The following MGAT4C variants were observed in gnomAD, a reference collection of about 807,000 sequenced individuals.
MGAT4C encodes the protein alpha-1,3-mannosyl-glycoprotein 4-beta-N-acetylglucosaminyltransferase C.
In MGAT4C, 19 loss-of-function variants were observed where a neutral mutation model predicts 40.1. That is an observed-to-expected ratio of 0.47 (90% CI 0.33 to 0.70). The LOEUF (loss-of-function observed/expected upper bound fraction) is 0.70. MGAT4C is among the 30% of genes least tolerant of loss of function. MGAT4C has a pLI of 0.02. For synonymous variants in MGAT4C, 181 were observed against 187.1 expected (o/e 0.97, Z 0.27); for missense variants, 491 against 563.2 (o/e 0.87, Z 1.30).
intron 1 of MGAT4C, among the ~76,000 whole-genome samples, chr12:86,151,504 T>C (rs1310025099): frequency 6.6e-6 from 1 of 152,010 alleles, no homozygotes; most frequent in Non-Finnish European, 1.5e-5. Flanking sequence ...TCCCAGCTAC[T>C]TGGGAGGCTG....
In MGAT4C at chr12:85,957,657, C is replaced by CAAAAAAAAAAAAAAAAAAAAAAAAA. The variant is rs5799763; in HGVS notation, c.*21631_*21632insTTTTTTTTTTTTTTTTTTTTTTTTT. ...TTTACTGTAGAGTTGAATAAGAAAG[C>CAAAAAAAAAAAAAAAAAAAAAAAAA]AAAAAAAAAAAAAAAAGAAAAAAGA... On this transcript the variant is annotated 3_prime_UTR_variant, in exon 5 of 5. Coordinates refer to ENST00000611864, the MANE Select transcript of MGAT4C (RefSeq NM_001351288.2). 3 of 101,294 alleles carry CAAAAAAAAAAAAAAAAAAAAAAAAA rather than the reference C, an allele frequency of 3.0e-5. No individual in the cohort carries two copies. The highest frequency in any genetic ancestry group is 5.9e-3 in the Middle Eastern group (1 of 170). 6.3% of individuals were successfully genotyped at this position (101,294 alleles called of 1,614,324 possible).
At chr12:86,049,794 G>A (rs1892728192) in intron 1 of MGAT4C, 71 bp from the exon 2 acceptor site, 1 of 506,282 alleles carries the variant, frequency 2.0e-6, no homozygotes, top group African/African-American at 2.1e-5. Flanking sequence ...AAAATAAAAA[G>A]TATTCTCTGT....
At chr12:86,743,718 C>T (rs188427601) in intron 1 of MGAT4C, among the ~76,000 whole-genome samples, 3 of 151,746 alleles carry the variant, frequency 2.0e-5, no homozygotes, top group African/African-American at 7.2e-5. Flanking sequence ...ATGTCCATCC[C>T]AGATACCTCT....
chr12:86,005,677 T>G (rs1396533316), intron 2 of MGAT4C, among the ~76,000 whole-genome samples: 1 of 152,198 alleles, frequency 6.6e-6, no homozygotes, highest in African/African-American at 2.4e-5. Flanking sequence ...TGATGGCTAG[T>G]TCTTGGCTGG....
intron 2 of MGAT4C, among the ~76,000 whole-genome samples, chr12:86,627,495 G>GA (rs1962856599): frequency 6.6e-6 from 1 of 151,432 alleles, no homozygotes; most frequent in Non-Finnish European, 1.5e-5. Context: ...CATACAGCTG[G>GA]TGCCCCTCTG....
At chr12:86,290,029 A>T (rs1953466717) in intron 4 of MGAT4C, among the ~76,000 whole-genome samples, 2 of 152,104 alleles carry the variant, frequency 1.3e-5, no homozygotes, top group Non-Finnish European at 2.9e-5. Context: ...ACTAGCTAGA[A>T]GGATTCTGAA....
At chr12:86,196,641 A>C (rs949548878) in intron 1 of MGAT4C, among the ~76,000 whole-genome samples, 1 of 152,230 alleles carries the variant, frequency 6.6e-6, no homozygotes, top group Admixed American at 6.5e-5. Context: ...CAGAAGTCTG[A>C]CAGCCTTCCT....
At chr12:86,711,222 T>G (rs1179576011) in intron 2 of MGAT4C, among the ~76,000 whole-genome samples, 2 of 152,078 alleles carry the variant, frequency 1.3e-5, no homozygotes, top group South Asian at 2.1e-4. Flanking sequence ...TACTAATAAT[T>G]TATTGACTCA....
intron 1 of MGAT4C, among the ~76,000 whole-genome samples, chr12:86,765,236 T>C (rs528429584): frequency 3.3e-5 from 5 of 152,066 alleles, no homozygotes; most frequent in Admixed American, 6.6e-5. Context: ...CCTCAGGAGC[T>C]AATGCAATCA....
At chr12:86,105,659 A>C (rs1046778905) in intron 1 of MGAT4C, among the ~76,000 whole-genome samples, 4 of 152,128 alleles carry the variant, frequency 2.6e-5, no homozygotes, top group Non-Finnish European at 4.4e-5. Context: ...AAACATTATT[A>C]GCCACACACA....
intron 2 of MGAT4C, among the ~76,000 whole-genome samples, chr12:86,439,695 T>C (rs1957195182): frequency 6.6e-6 from 1 of 152,022 alleles, no homozygotes; most frequent in Non-Finnish European, 1.5e-5. Context: ...CAAAAAGTTT[T>C]TTCTTTGAAA....
chr12:86,528,010 A>G (rs1419853187), intron 2 of MGAT4C, among the ~76,000 whole-genome samples: 1 of 152,168 alleles, frequency 6.6e-6, no homozygotes, highest in Admixed American at 6.5e-5. Context: ...GTAAAATAAA[A>G]ATAAATGTTA....
chr12:86,568,346 C>A (rs1193648681), intron 2 of MGAT4C, among the ~76,000 whole-genome samples: 2 of 151,994 alleles, frequency 1.3e-5, no homozygotes, highest in Non-Finnish European at 2.9e-5. Flanking sequence ...ACATCAGACT[C>A]CAAGTTATTC....
At chr12:86,258,692 G>C (rs1952593360), upstream of MGAT4C, among the ~76,000 whole-genome samples, 1 of 151,944 alleles carries the variant, frequency 6.6e-6, no homozygotes, top group South Asian at 2.1e-4. Flanking sequence ...TAAGAATATA[G>C]ATTTCAATGC....
At chr12:86,276,675 A>G (rs963001507) in intron 4 of MGAT4C, among the ~76,000 whole-genome samples, 2 of 152,318 alleles carry the variant, frequency 1.3e-5, no homozygotes, top group East Asian at 3.9e-4. Context: ...AATGAGTGAG[A>G]ACATGTAAAG....
intron 4 of MGAT4C, among the ~76,000 whole-genome samples, chr12:86,331,575 T>A (rs1030264495): frequency 6.6e-6 from 1 of 152,120 alleles, no homozygotes; most frequent in African/African-American, 2.4e-5. Context: ...TTCTGGTGTT[T>A]CTATCTATTA....
At chr12:86,601,416 T>G (rs79106156) in intron 2 of MGAT4C, 6,751 of 152,192 alleles carry the variant, frequency 0.044, 382 homozygotes, top group East Asian at 0.25. Flanking sequence ...AGCATGAACT[T>G]CCTCCATCCT....
At chr12:86,764,718 T>C (rs547704951) in intron 1 of MGAT4C, among the ~76,000 whole-genome samples, 76 of 152,238 alleles carry the variant, frequency 5.0e-4, no homozygotes, top group African/African-American at 1.8e-3. Flanking sequence ...GAAAATCCGC[T>C]GTTCTGCAGC....
chr12:86,313,954 T>C (rs1466755621), intron 4 of MGAT4C, among the ~76,000 whole-genome samples: 1 of 152,238 alleles, frequency 6.6e-6, no homozygotes, highest in Non-Finnish European at 1.5e-5. Context: ...TTAATTCCCA[T>C]TGAAGTAACT....
Sources: allele counts gnomAD v4.1 joint callset (sites outside exome capture counted in the v4.1 genomes callset), GRCh38; gene constraint gnomAD v4.1.1; transcripts MANE v1.5; gene names NCBI Gene and HGNC (gene_info 2026-07-23, HGNC 2026-07-21).